The following OR51G2 variants were observed in gnomAD, a reference collection of about 807,000 sequenced individuals.
The protein encoded by OR51G2 is olfactory receptor family 51 subfamily G member 2.
Under a neutral mutation model 11.8 loss-of-function variants are expected in OR51G2, and 13 were observed. The ratio of observed to expected loss-of-function variants is 1.10; its 90% CI spans 0.72 to 1.76. The LOEUF (loss-of-function observed/expected upper bound fraction) is 1.76, where lower values mean the gene tolerates loss of function less well. Among genes scored for constraint, OR51G2 ranks in the 40% most tolerant of loss-of-function variants. The pLI, the probability that OR51G2 is intolerant of heterozygous loss-of-function variation, is 0.00. For missense variants in OR51G2, 474 were observed against 394.4 expected (o/e 1.20, Z -1.71); for synonymous variants, 178 against 151.9 (o/e 1.17, Z -1.26).
rs1851064067 is a variant in OR51G2 at position 4,915,276 on chromosome 11, C to T, written c.388G>A (p.Ala130Thr). ...LLSMAFDRFV[A>T]ICHPLHYVSI... is the part of the protein sequence containing the mutation. ...ACATAGTGCAAGGGGTGGCAGATAG[C>T]CACAAAGCGGTCAAAGGCCATAGAC... Residue 130 changes from alanine (A) to threonine (T), a missense_variant, in exon 2 of 2, where the codon GCT becomes ACT. Transcript: ENST00000641926. 1 of 1,613,838 alleles carries T rather than the reference C, an allele frequency of 6.2e-7. No individual in the cohort carries two copies. Among genetic ancestry groups the T allele is most frequent in the South Asian group, 1.1e-5 (1 of 91,048 alleles).
chr11:4,915,079 G>T lies in OR51G2; in HGVS notation c.585C>A (p.Ala195=). The T allele has an allele frequency of 1.2e-6, 2 of 1,614,004 alleles. No homozygotes were observed. The highest frequency in any genetic ancestry group is 1.7e-6 in the Non-Finnish European group (2 of 1,179,982). Residue 195 remains alanine (A), a synonymous_variant, in exon 2 of 2, where the codon GCC becomes GCA. Transcript: ENST00000641926. ...CGTAGATGCTGTTGGCCTTCATGTCGGCACAGGCCAATTTCATCACTTCTT... is the reference window on the plus strand; with the variant it reads ...CGTAGATGCTGTTGGCCTTCATGTCTGCACAGGCCAATTTCATCACTTCTT... ...LHQEVMKLAC[A]DMKANSIYGM...
In OR51G2 at chr11:4,914,089, C is replaced by T. The variant is rs1325701453; in HGVS notation, c.*630G>A. 1 of 152,040 alleles carries T rather than the reference C, an allele frequency of 6.6e-6. No homozygotes were observed. The highest frequency in any genetic ancestry group is 2.4e-5 in the African/African-American group (1 of 41,372). 9.4% of individuals were successfully genotyped at this position (152,040 alleles called of 1,614,324 possible). ...GTCAGAGAACAATTGATTGCTTTAC[C>T]AGATGCCAATTGGAGAGGCTGGAAG... is the stretch of plus-strand genomic sequence containing the variant. On this transcript the variant is annotated 3_prime_UTR_variant, in exon 2 of 2. Transcript: ENST00000641926.
At position 4,915,177 on chromosome 11, in the gene OR51G2, GA is replaced by G. The variant is rs35090253; in HGVS notation, c.486del (p.Pro163HisfsTer27). 1 of 1,613,990 alleles carries G rather than the reference GA, an allele frequency of 6.2e-7. No individual in the cohort carries two copies. Among genetic ancestry groups the G allele is most frequent in the Non-Finnish European group, 8.5e-7 (1 of 1,180,002 alleles). On this transcript the variant is annotated frameshift_variant, in exon 2 of 2. Coordinates refer to ENST00000641926, the MANE Select transcript of OR51G2 (RefSeq NM_001005238.2). LOFTEE classifies it high-confidence loss of function. ...VSLGRSVALI[F>X]PLPFMLKRFP... Reference sequence around the variant, plus strand: ...AATCTTTTGAGCATAAAAGGTAATGGAAAAATGAGTGCTACACTACGACCCA... The same window carrying G: ...AATCTTTTGAGCATAAAAGGTAATGGAAAATGAGTGCTACACTACGACCCA...
intron 1 of OR51G2, among the ~76,000 whole-genome samples, chr11:4,917,227 G>C (rs766435086): frequency 6.6e-6 from 1 of 152,008 alleles, no homozygotes; most frequent in Non-Finnish European, 1.5e-5. Context: ...TCCTTAAAAA[G>C]CCTATGAATA....
chr11:4,913,442 C>T lies in OR51G2; in HGVS notation c.*1277G>A, dbSNP rs963406714. 2.6e-5 allele frequency: 4 copies of T among 152,160 alleles called. No homozygotes were observed. The highest frequency in any genetic ancestry group is 7.2e-5 in the African/African-American group (3 of 41,432). 9.4% of individuals were successfully genotyped at this position (152,160 alleles called of 1,614,324 possible). A position where few individuals can be genotyped will look rare whatever the true frequency, so the allele number is the denominator to read the frequency against. ...ATTCTCATGCTTCTCTCTAGGTGTT[C>T]GAAGCTCCCCTTGGCAATATCACAT... On this transcript the variant is annotated 3_prime_UTR_variant, in exon 2 of 2. Transcript: ENST00000641926.
chr11:4,915,507 T>A lies in OR51G2; in HGVS notation c.157A>T (p.Ile53Phe). The A allele has an allele frequency of 3.1e-6, 5 of 1,614,044 alleles. No homozygotes were observed. In the South Asian group the frequency reaches 3.3e-5, roughly 11 times the overall value. Residue 53 changes from isoleucine to phenylalanine, a missense_variant, in exon 2 of 2, where the codon ATC (isoleucine) becomes TTC (phenylalanine). Physicochemically the swap from Ile to Phe is conservative, Grantham distance 21. Transcript: ENST00000641926. Reference protein sequence around the residue: ...SIPGNCTILFIIKTERSLHEP... With the variant: ...SIPGNCTILFFIKTERSLHEP... ...TGAAGTGAGCGCTCTGTTTTAATGATAAAAAGAATTGTGCAGTTGCCCGGG... is the reference window on the plus strand; with the variant it reads ...TGAAGTGAGCGCTCTGTTTTAATGAAAAAAAGAATTGTGCAGTTGCCCGGG...
In OR51G2 at chr11:4,912,888, A is replaced by T. The variant is rs899358988; in HGVS notation, c.*1831T>A. The T allele has an allele frequency of 5.3e-5, 8 of 152,064 alleles. No homozygotes were observed. The highest frequency in any genetic ancestry group is 1.0e-4 in the Non-Finnish European group (7 of 68,002). 9.4% of individuals were successfully genotyped at this position (152,064 alleles called of 1,614,324 possible). ...TACGTCTCACTTCTCTTACACAAAA[A>T]CCTCAGGACTATCATGTTGTCTAGC... is the stretch of plus-strand genomic sequence containing the variant. On this transcript the variant is annotated 3_prime_UTR_variant, in exon 2 of 2. Transcript: ENST00000641926.
chr11:4,916,979 C>G (rs1414068971), intron 1 of OR51G2, among the ~76,000 whole-genome samples: 1 of 152,162 alleles, frequency 6.6e-6, no homozygotes, highest in African/African-American at 2.4e-5. Context: ...AGTCTTGTCA[C>G]TGGGAAGAGG....
chr11:4,916,368 C>A (rs12794894), intron 1 of OR51G2, among the ~76,000 whole-genome samples: 14,114 of 149,510 alleles, frequency 0.094, 843 homozygotes, highest in Middle Eastern at 0.2. Flanking sequence ...CCCTATTTAA[C>A]TTTGCCTGCC....
Position 4,915,147 on chromosome 11 carries a change from A to AG in OR51G2, c.516dup (p.Tyr173LeufsTer66), listed in dbSNP as rs1851059933. The AG allele has an allele frequency of 1.9e-6, 3 of 1,614,086 alleles. No homozygotes were observed. Among genetic ancestry groups the AG allele is most frequent in the Admixed American group, 1.7e-5 (1 of 60,012 alleles). On this transcript the variant is annotated frameshift_variant, in exon 2 of 2. Coordinates refer to ENST00000641926, the MANE Select transcript of OR51G2 (RefSeq NM_001005238.2). LOFTEE classifies it high-confidence loss of function. ...TGTGAGAGAACTGGGGAGCCACAAT[A>AG]GGGGAATCTTTTGAGCATAAAAGGT...
Position 4,915,168 on chromosome 11 carries a change from A to C in OR51G2, c.496T>G (p.Phe166Val), listed in dbSNP as rs1157020867. ...CAATAGGGGAATCTTTTGAGCATAA[A>C]AGGTAATGGAAAAATGAGTGCTACA... ...RSVALIFPLP[F>V]MLKRFPYCGS... Residue 166 changes from phenylalanine (F) to valine (V), a missense_variant, in exon 2 of 2, where the codon TTT becomes GTT. Phe to Val is a conservative substitution (Grantham distance 50). Transcript: ENST00000641926. The C allele has an allele frequency of 6.2e-7, 1 of 1,614,132 alleles. No individual in the cohort carries two copies. Among genetic ancestry groups the C allele is most frequent in the Non-Finnish European group, 8.5e-7 (1 of 1,180,010 alleles).
chr11:4,917,881 T>C (rs936000518), intron 1 of OR51G2, among the ~76,000 whole-genome samples: 2 of 152,082 alleles, frequency 1.3e-5, no homozygotes, highest in Non-Finnish European at 2.9e-5. Context: ...GCCTGACAAA[T>C]AGTAGATACT....
chr11:4,914,575 G>C lies in OR51G2; in HGVS notation c.*144C>G. 1 of 622,450 alleles carries C rather than the reference G, an allele frequency of 1.6e-6. No homozygotes were observed. Among genetic ancestry groups the C allele is most frequent in the East Asian group, 2.8e-5 (1 of 36,192 alleles). 38.6% of individuals were successfully genotyped at this position (622,450 alleles called of 1,614,324 possible). ...CCCTGCCCTGGCCACAACAGAGTGA[G>C]GGTTCTGTAAGGACTGTAACTCATC... On this transcript the variant is annotated 3_prime_UTR_variant, in exon 2 of 2. Coordinates refer to ENST00000641926, the MANE Select transcript of OR51G2 (RefSeq NM_001005238.2).
intron 1 of OR51G2, among the ~76,000 whole-genome samples, chr11:4,918,621 G>C (rs910691697): frequency 6.6e-6 from 1 of 152,138 alleles, no homozygotes; most frequent in African/African-American, 2.4e-5. Flanking sequence ...GAACCCATTA[G>C]CAGTTTTGGT....
intron 1 of OR51G2, among the ~76,000 whole-genome samples, chr11:4,918,501 A>C (rs908999095): frequency 6.6e-6 from 1 of 152,146 alleles, no homozygotes; most frequent in African/African-American, 2.4e-5. Flanking sequence ...TAAAATTCAG[A>C]ATAATGATGC....
chr11:4,914,483 T>C lies in OR51G2; in HGVS notation c.*236A>G. On this transcript the variant is annotated 3_prime_UTR_variant, in exon 2 of 2. Transcript: ENST00000641926. ...GCAAGTTCCTGGAAGAGCATGTGGGTTTAGAATTATTGCTGTGGCTATTTT... is the reference window on the plus strand; with the variant it reads ...GCAAGTTCCTGGAAGAGCATGTGGGCTTAGAATTATTGCTGTGGCTATTTT... 2.1e-6 allele frequency: 1 copy of C among 474,040 alleles called. No homozygotes were observed. The highest frequency in any genetic ancestry group is 3.8e-6 in the Non-Finnish European group (1 of 265,446). The allele number at this position is 474,040 out of a possible 1,614,324, so 29.4% of individuals were successfully genotyped here.
rs1198500702 is a variant in OR51G2, at chr11:4,914,549, C to A, written c.*170G>T. On this transcript the variant is annotated 3_prime_UTR_variant, in exon 2 of 2. Transcript: ENST00000641926. ...ACCACATCATATTACATTTTACCCC[C>A]CCCTGCCCTGGCCACAACAGAGTGA... 1.7e-6 allele frequency: 1 copy of A among 572,164 alleles called. No individual in the cohort carries two copies. The highest frequency in any genetic ancestry group is 3.1e-5 in the Admixed American group (1 of 32,684). 35.4% of individuals were successfully genotyped at this position (572,164 alleles called of 1,614,324 possible). A position where few individuals can be genotyped will look rare whatever the true frequency, so the allele number is the denominator to read the frequency against.
At position 4,915,116 on chromosome 11, in the gene OR51G2, T is replaced by C; in HGVS notation, c.548A>G (p.Tyr183Cys). 6.2e-7 allele frequency: 1 copy of C among 1,613,828 alleles called. No individual in the cohort carries two copies. Among genetic ancestry groups the C allele is most frequent in the Non-Finnish European group, 8.5e-7 (1 of 1,179,962 alleles). Residue 183 changes from tyrosine (Y) to cysteine (C), a missense_variant, in exon 2 of 2, where the codon TAT (tyrosine) becomes TGT (cysteine). By Grantham distance (194) the Tyr-to-Cys change is radical (BLOSUM62 -2). Coordinates refer to ENST00000641926, the MANE Select transcript of OR51G2 (RefSeq NM_001005238.2). ...TTTCATCACTTCTTGGTGGAGACAA[T>C]AAGAATGTGAGAGAACTGGGGAGCC... ...YCGSPVLSHS[Y>C]CLHQEVMKLA...
rs1241234971 is a variant in OR51G2, at chr11:4,915,301, CAGT to C, written c.360_362del (p.Leu121del). 1.4e-5 allele frequency: 23 copies of C among 1,613,818 alleles called. No individual in the cohort carries two copies. Among genetic ancestry groups the C allele is most frequent in the Non-Finnish European group, 1.9e-5 (23 of 1,180,006 alleles). The stretch of plus-strand genomic sequence containing the variant: ...CCACAAAGCGGTCAAAGGCCATAGA[CAGT>C]AGCACAGAGGACTCGAGGAAGGAGA... On this transcript the variant is annotated inframe_deletion, in exon 2 of 2. Coordinates refer to ENST00000641926, the MANE Select transcript of OR51G2 (RefSeq NM_001005238.2).
Sources: gnomAD v4.1 joint callset for allele counts (sites outside exome capture counted in the v4.1 genomes callset) on GRCh38, gnomAD v4.1.1 for gene constraint, MANE v1.5 for transcripts, NCBI Gene and HGNC (gene_info 2026-07-23, HGNC 2026-07-21) for gene names.